Variants in MPP7 observed in about 807,000 individuals in gnomAD.
The protein encoded by MPP7 is MAGUK p55 scaffold protein 7.
Under a neutral mutation model 76.5 loss-of-function variants are expected in MPP7, and 60 were observed. That is an observed-to-expected ratio of 0.78 (90% CI 0.64 to 0.97). The LOEUF (loss-of-function observed/expected upper bound fraction) is 0.97, where lower values mean the gene tolerates loss of function less well. Ranked by LOEUF, MPP7 falls within the 50% of genes least tolerant of loss-of-function variation. The pLI is 0.00. For synonymous variants in MPP7, 237 were observed against 244.5 expected (o/e 0.97, Z 0.29); for missense variants, 641 against 694.0 (o/e 0.92, Z 0.86).
chr10:28,091,363 T>C (rs1019990788), intron 11 of MPP7, among the ~76,000 whole-genome samples: 1 of 151,592 alleles, frequency 6.6e-6, no homozygotes, highest in Non-Finnish European at 1.5e-5. Context: ...TCTCGGCTCA[T>C]TGCAACCTCC....
At chr10:28,220,976 T>C (rs1838484963) in intron 2 of MPP7, among the ~76,000 whole-genome samples, 1 of 151,886 alleles carries the variant, frequency 6.6e-6, no homozygotes, top group African/African-American at 2.4e-5. Context: ...CTTAGCAGAG[T>C]TCAAGGGATA....
intron 11 of MPP7, among the ~76,000 whole-genome samples, chr10:28,099,582 A>G (rs1853720009): frequency 6.6e-6 from 1 of 152,178 alleles, no homozygotes; most frequent in African/African-American, 2.4e-5. Context: ...AGGCGGGTGG[A>G]TCACCTGAGG....
At chr10:28,213,113 A>AT (rs966705832) in intron 2 of MPP7, among the ~76,000 whole-genome samples, 1 of 151,668 alleles carries the variant, frequency 6.6e-6, no homozygotes, top group Non-Finnish European at 1.5e-5. Context: ...CTAATTTTTA[A>AT]TTTTTTTTGT....
intron 3 of MPP7, among the ~76,000 whole-genome samples, chr10:28,165,885 C>T (rs916312227): frequency 1.3e-5 from 2 of 151,906 alleles, no homozygotes; most frequent in Non-Finnish European, 2.9e-5. Context: ...ATTAGCTGGG[C>T]GTGGTGGCGC....
At chr10:28,124,775 G>A (rs967781348) in intron 7 of MPP7, among the ~76,000 whole-genome samples, 5 of 151,950 alleles carry the variant, frequency 3.3e-5, no homozygotes, top group East Asian at 1.9e-4. Flanking sequence ...GAGCCACCAC[G>A]CCCGGCCCAC....
chr10:28,125,146 G>A, intron 6 of MPP7, 55 bp from the exon 7 acceptor site: 1 of 1,395,674 alleles, frequency 7.2e-7, no homozygotes, highest in South Asian at 1.2e-5. Context: ...CTAGGTGTTA[G>A]AAAAGGAGGA....
At chr10:28,062,531 AACACACACACACACACACAC>A (rs56923979) in intron 13 of MPP7, among the ~76,000 whole-genome samples, 181 of 132,382 alleles carry the variant, frequency 1.4e-3, no homozygotes, top group Non-Finnish European at 2.1e-3. Context: ...CATAATAGTA[AACACACACACACACACACAC>A]ACACACACAC....
chr10:28,108,020 A>G (rs1406241469), intron 11 of MPP7, among the ~76,000 whole-genome samples: 2 of 152,214 alleles, frequency 1.3e-5, no homozygotes, highest in Non-Finnish European at 2.9e-5. Flanking sequence ...GAAATACTCC[A>G]TATGTCTGCA....
intron 12 of MPP7, among the ~76,000 whole-genome samples, chr10:28,079,869 C>T (rs1852677602): frequency 6.6e-6 from 1 of 152,070 alleles, no homozygotes; most frequent in Non-Finnish European, 1.5e-5. Context: ...TGGGCATAAT[C>T]CTATCACTTA....
chr10:28,311,312 CGGGTGT>C (rs552927354), intron 2 of MPP7, among the ~76,000 whole-genome samples: 306 of 152,194 alleles, frequency 2.0e-3, no homozygotes, highest in Non-Finnish European at 3.6e-3. Flanking sequence ...CTGAGGCATA[CGGGTGT>C]GAATGACAGC....
In MPP7 at chr10:28,221,203, C is replaced by T. The variant is rs546608934; in HGVS notation, c.37+17365G>A. 5.3e-5 allele frequency among the ~76,000 whole-genome samples: 8 copies of T among 152,176 alleles called. No individual in the cohort carries two copies. The East Asian group carries it at 7.7e-4, about 15-fold the overall frequency. ...AAAATAAAGTAATCTAAGCTGTAAA[C>T]GTTTTTTCTTTTTAGCTAAAAATAA... On this transcript the variant is annotated intron_variant, in intron 2 of 16. Transcript: ENST00000683449.
rs16928648 is a variant in MPP7, at chr10:28,256,176, C to T, written c.-131-17441G>A. ...GATAGGGAGGATATGAAGACAGCAG[C>T]GGCTCAAATGGCAGAGAGAAAAGTT... On this transcript the variant is annotated intron_variant, in intron 1 of 16. Coordinates refer to ENST00000683449, the MANE Select transcript of MPP7 (RefSeq NM_001318170.2). Among the ~76,000 whole-genome samples the T allele has an allele frequency of 8.2e-3, 1,244 of 152,028 alleles. 17 individuals carry two copies. Among genetic ancestry groups the T allele is most frequent in the African/African-American group, 0.028 (1,155 of 41,468 alleles).
chr10:28,057,933 G>T, intron 15 of MPP7: 1 of 1,114,372 alleles, frequency 9.0e-7, no homozygotes, highest in Non-Finnish European at 1.1e-6. Flanking sequence ...CTCATCCACT[G>T]AAGTTCTCAG....
chr10:28,062,581 C>CACACACACACA (rs1851837337), intron 13 of MPP7, among the ~76,000 whole-genome samples: 5 of 120,916 alleles, frequency 4.1e-5, no homozygotes, highest in African/African-American at 1.6e-4. Context: ...CACACACACA[C>CACACACACACA]CAAAGGTTGG....
At chr10:28,201,383 T>C (rs1564697551) in intron 3 of MPP7, among the ~76,000 whole-genome samples, 1 of 152,202 alleles carries the variant, frequency 6.6e-6, no homozygotes, top group Non-Finnish European at 1.5e-5. Context: ...CCAGTTATCA[T>C]TGAGGCACTG....
intron 1 of MPP7, among the ~76,000 whole-genome samples, chr10:28,273,609 T>C (rs1386147269): frequency 6.6e-6 from 1 of 152,234 alleles, no homozygotes; most frequent in Non-Finnish European, 1.5e-5. Flanking sequence ...AGAGCAGCAT[T>C]CAGAGACTAT....
intron 2 of MPP7, among the ~76,000 whole-genome samples, chr10:28,211,727 C>T (rs1838144485): frequency 6.6e-6 from 1 of 151,904 alleles, no homozygotes; most frequent in Non-Finnish European, 1.5e-5. Flanking sequence ...ATATAAACCA[C>T]CAGAGTACAT....
intron 1 of MPP7, among the ~76,000 whole-genome samples, chr10:28,239,902 T>G (rs1249044904): frequency 2.0e-5 from 3 of 152,170 alleles, no homozygotes; most frequent in Non-Finnish European, 4.4e-5. Flanking sequence ...CTCAGACATA[T>G]AATGCAGTGT....
chr10:28,141,795 T>C (rs559931587), intron 5 of MPP7, among the ~76,000 whole-genome samples: 1 of 152,214 alleles, frequency 6.6e-6, no homozygotes, highest in Non-Finnish European at 1.5e-5. Flanking sequence ...GAATTCCAAA[T>C]TTCTTCTGGG....
Sources: allele counts gnomAD v4.1 joint callset (sites outside exome capture counted in the v4.1 genomes callset), GRCh38; gene constraint gnomAD v4.1.1; transcripts MANE v1.5; gene names NCBI Gene and HGNC (gene_info 2026-07-23, HGNC 2026-07-21).